The following CHST12 variants were observed in gnomAD, a reference collection of about 807,000 sequenced individuals.
The protein encoded by CHST12 is carbohydrate (chondroitin 4) sulfotransferase 12.
Under a neutral mutation model 27.9 loss-of-function variants are expected in CHST12, and 23 were observed. That is an observed-to-expected ratio of 0.82 (90% CI 0.59 to 1.17). The LOEUF (loss-of-function observed/expected upper bound fraction) is 1.17. CHST12 is among the 50% of genes most tolerant of loss of function. The pLI is 0.00. For synonymous variants in CHST12, 322 were observed against 273.0 expected (o/e 1.18, Z -1.77); for missense variants, 682 against 603.0 (o/e 1.13, Z -1.37).
intron 1 of CHST12, among the ~76,000 whole-genome samples, chr7:2,426,643 T>C (rs976690765): frequency 6.6e-6 from 1 of 151,384 alleles, no homozygotes; most frequent in Admixed American, 6.6e-5. Context: ...TTTTTTTTTT[T>C]AAAGCACTCA....
At chr7:2,406,026 G>T (rs1020797232) in intron 1 of CHST12, among the ~76,000 whole-genome samples, 1 of 152,194 alleles carries the variant, frequency 6.6e-6, no homozygotes, top group Non-Finnish European at 1.5e-5. Context: ...CTCTTCTAGT[G>T]TGGGTCAGGG....
At chr7:2,405,768 C>T (rs915658262) in intron 1 of CHST12, among the ~76,000 whole-genome samples, 3 of 152,068 alleles carry the variant, frequency 2.0e-5, no homozygotes, top group Non-Finnish European at 2.9e-5. Context: ...CGATGAGGAG[C>T]GCTGCGGCCA....
intron 1 of CHST12, among the ~76,000 whole-genome samples, chr7:2,412,665 C>T (rs1781695686): frequency 6.6e-6 from 1 of 152,162 alleles, no homozygotes; most frequent in South Asian, 2.1e-4. Context: ...TAGAGGCCAG[C>T]AGAGCAGAGT....
In CHST12 at chr7:2,416,393, T is replaced by C. The variant is rs1007927599; in HGVS notation, c.-78+12720T>C. ...TTCTATTAATGTTGCTATTTTGATC[T>C]CTTCCTGTGAATCCCGAATGTTCTT... On this transcript the variant is annotated intron_variant, in intron 1 of 1. Transcript: ENST00000618655. Among the ~76,000 whole-genome samples, 10 of 152,386 alleles carry C rather than the reference T, an allele frequency of 6.6e-5. No individual in the cohort carries two copies. In the East Asian group the frequency reaches 1.9e-3, roughly 29 times the overall value.
chr7:2,413,544 G>C (rs1385727739), intron 1 of CHST12, among the ~76,000 whole-genome samples: 4 of 152,018 alleles, frequency 2.6e-5, no homozygotes, highest in African/African-American at 7.2e-5. Context: ...TGCAGTCTAT[G>C]ATTTTCATCA....
intron 1 of CHST12, among the ~76,000 whole-genome samples, chr7:2,415,117 C>A (rs1004351937): frequency 6.6e-6 from 1 of 152,208 alleles, no homozygotes; most frequent in Non-Finnish European, 1.5e-5. Context: ...TCAGTCCCTG[C>A]ACTTTGGGAG....
In CHST12 at chr7:2,445,868, A is replaced by C. The variant is rs1782739341; in HGVS notation, c.*11984A>C. ...AGCGCGTGTGAGAAAAGGCCTGTTGATGGGCACGCCAGGGTTTAATGGACG... is the reference window on the plus strand; with the variant it reads ...AGCGCGTGTGAGAAAAGGCCTGTTGCTGGGCACGCCAGGGTTTAATGGACG... On this transcript the variant is annotated 3_prime_UTR_variant, in exon 2 of 2. Transcript: ENST00000618655. The C allele has an allele frequency of 6.6e-6, 1 of 152,192 alleles. No homozygotes were observed. Among genetic ancestry groups the C allele is most frequent in the African/African-American group, 2.4e-5 (1 of 41,432 alleles). 9.4% of individuals were successfully genotyped at this position (152,192 alleles called of 1,614,324 possible). A position where few individuals can be genotyped will look rare whatever the true frequency, so the allele number is the denominator to read the frequency against.
chr7:2,414,702 C>T (rs1781759203), intron 1 of CHST12, among the ~76,000 whole-genome samples: 1 of 152,192 alleles, frequency 6.6e-6, no homozygotes, highest in South Asian at 2.1e-4. Context: ...TCTTTGCCTT[C>T]TCCCAAGTCA....
At chr7:2,425,248 C>T (rs1255541423) in intron 1 of CHST12, among the ~76,000 whole-genome samples, 2 of 135,792 alleles carry the variant, frequency 1.5e-5, no homozygotes, top group African/African-American at 5.4e-5. Context: ...CGTAAAAAAA[C>T]AAACCCCGGC....
rs558062589 is a variant in CHST12 at position 2,434,269 on chromosome 7, G to GT, written c.*390dup. The GT allele has an allele frequency of 6.8e-4, 123 of 181,044 alleles. No individual in the cohort carries two copies. Among genetic ancestry groups the GT allele is most frequent in the Admixed American group, 1.5e-3 (26 of 16,974 alleles). The allele number at this position is 181,044 out of a possible 1,614,324, so 11.2% of individuals were successfully genotyped here. A position where few individuals can be genotyped will look rare whatever the true frequency, so the allele number is the denominator to read the frequency against. On this transcript the variant is annotated 3_prime_UTR_variant, in exon 2 of 2. Transcript: ENST00000618655. The stretch of plus-strand genomic sequence containing the variant: ...ACTTGAAGTCAGGCCGCACCTGTCT[G>GT]TTTTTGGAAGGGTAGCCGACAAATC...
intron 1 of CHST12, among the ~76,000 whole-genome samples, chr7:2,418,032 C>G (rs866640017): frequency 2.6e-5 from 4 of 152,250 alleles, no homozygotes; most frequent in Non-Finnish European, 5.9e-5. Context: ...CACGGTGACA[C>G]ACAGCTGAAC....
chr7:2,410,867 T>C (rs1562509134), intron 1 of CHST12, among the ~76,000 whole-genome samples: 1 of 151,958 alleles, frequency 6.6e-6, no homozygotes. Flanking sequence ...AAGCCACTGA[T>C]CCAACTTTTA....
chr7:2,406,744 CATTA>C (rs1216867926), intron 1 of CHST12, among the ~76,000 whole-genome samples: 1 of 152,150 alleles, frequency 6.6e-6, no homozygotes, highest in African/African-American at 2.4e-5. Flanking sequence ...CGAAGCCCGT[CATTA>C]ATAACCCCCT....
intron 1 of CHST12, among the ~76,000 whole-genome samples, chr7:2,423,687 C>CT (rs150288871): frequency 1.3e-5 from 2 of 152,168 alleles, no homozygotes; most frequent in African/African-American, 4.8e-5. Flanking sequence ...AGAGGGCATC[C>CT]TTTTTTCTGA....
chr7:2,446,494 G>C lies in CHST12; in HGVS notation c.*12610G>C, dbSNP rs989509556. 5.9e-5 allele frequency: 9 copies of C among 152,834 alleles called. No homozygotes were observed. The highest frequency in any genetic ancestry group is 2.2e-4 in the African/African-American group (9 of 41,580). 9.5% of individuals were successfully genotyped at this position (152,834 alleles called of 1,614,324 possible). ...TGCCTGAACTATGTCTGTGGATGAC[G>C]GAGCCACGACCTGTCCCTCAGGGCT... On this transcript the variant is annotated 3_prime_UTR_variant, in exon 2 of 2. Coordinates refer to ENST00000618655, the MANE Select transcript of CHST12 (RefSeq NM_018641.5).
chr7:2,419,892 C>T (rs1042252110), intron 1 of CHST12, among the ~76,000 whole-genome samples: 1 of 151,422 alleles, frequency 6.6e-6, no homozygotes, highest in Non-Finnish European at 1.5e-5. Context: ...GCCCCCACAA[C>T]CACCATTCTA....
chr7:2,407,257 G>T (rs1781548551), intron 1 of CHST12, among the ~76,000 whole-genome samples: 1 of 151,548 alleles, frequency 6.6e-6, no homozygotes, highest in Non-Finnish European at 1.5e-5. Flanking sequence ...ACCAGCCTGG[G>T]CAACATAGCA....
rs551846704 is a variant in CHST12, at chr7:2,437,654, T to A, written c.*3770T>A. ...GTGAGGTCTGAGCACGTCTGTGCCC[T>A]GAGGTGGGTGGTTTGGTGAAGGTGG... On this transcript the variant is annotated 3_prime_UTR_variant, in exon 2 of 2. Coordinates refer to ENST00000618655, the MANE Select transcript of CHST12 (RefSeq NM_018641.5). The A allele has an allele frequency of 1.3e-5, 2 of 152,282 alleles. No individual in the cohort carries two copies. The highest frequency in any genetic ancestry group is 1.3e-4 in the Admixed American group (2 of 15,248). 9.4% of individuals were successfully genotyped at this position (152,282 alleles called of 1,614,324 possible).
chr7:2,417,028 G>A (rs1349587808), intron 1 of CHST12, among the ~76,000 whole-genome samples: 1 of 152,132 alleles, frequency 6.6e-6, no homozygotes, highest in Non-Finnish European at 1.5e-5. Flanking sequence ...TCGGGGTCCT[G>A]AGATTTTATT....
Sources: gnomAD v4.1 joint callset for allele counts (sites outside exome capture counted in the v4.1 genomes callset) on GRCh38, gnomAD v4.1.1 for gene constraint, MANE v1.5 for transcripts, NCBI Gene and HGNC (gene_info 2026-07-23, HGNC 2026-07-21) for gene names.